The following STPG2 variants were observed in gnomAD, a reference collection of about 807,000 sequenced individuals.
STPG2 encodes the protein sperm-tail PG-rich repeat-containing protein 2.
A neutral mutation model predicts 54.2 loss-of-function variants in STPG2; 56 were observed. That is an observed-to-expected ratio of 1.03 (90% confidence interval 0.83 to 1.29). The LOEUF (loss-of-function observed/expected upper bound fraction) is 1.29, where lower values mean the gene tolerates loss of function less well. STPG2 is among the 50% of genes most tolerant of loss of function. The pLI, the probability that STPG2 is intolerant of heterozygous loss-of-function variation, is 0.00. For missense variants in STPG2, 596 were observed against 544.9 expected, an observed-to-expected ratio of 1.09 and a Z score of -0.93; for synonymous variants, 200 against 181.8, an observed-to-expected ratio of 1.10 and a Z score of -0.81.
At chr4:98,092,856 A>T (rs1738731691) in intron 5 of STPG2, among the ~76,000 whole-genome samples, 1 of 152,128 alleles carries the variant, frequency 6.6e-6, no homozygotes, top group South Asian at 2.1e-4. Flanking sequence ...AAATAGTTCC[A>T]AGGTATTTTC....
intron 9 of STPG2, among the ~76,000 whole-genome samples, chr4:97,836,576 A>T (rs995563690): frequency 6.6e-6 from 1 of 151,796 alleles, no homozygotes; most frequent in Non-Finnish European, 1.5e-5. Flanking sequence ...TTGCCAAGGT[A>T]TGCCTTTATT....
chr4:97,981,847 AT>A (rs1734689723), intron 5 of STPG2, among the ~76,000 whole-genome samples: 1 of 147,878 alleles, frequency 6.8e-6, no homozygotes, highest in African/African-American at 2.5e-5. Flanking sequence ...ATATATATAT[AT>A]ATATATAACT....
At chr4:97,521,697 A>T (rs1365463526) in intron 4 of STPG2, among the ~76,000 whole-genome samples, 1 of 152,062 alleles carries the variant, frequency 6.6e-6, no homozygotes, top group Non-Finnish European at 1.5e-5. Context: ...GTTCATATAC[A>T]ACTTAAAATA....
chr4:97,541,088 C>A (rs1052734432), intron 4 of STPG2, among the ~76,000 whole-genome samples: 1 of 152,160 alleles, frequency 6.6e-6, no homozygotes, highest in Non-Finnish European at 1.5e-5. Context: ...CTCAACACTC[C>A]TATTCAAAAT....
chr4:98,092,447 G>A (rs1350756979), intron 5 of STPG2, among the ~76,000 whole-genome samples: 1 of 151,826 alleles, frequency 6.6e-6, no homozygotes, highest in Admixed American at 6.6e-5. Flanking sequence ...GTAATAAATT[G>A]CCAAGTGCCT....
At chr4:97,580,916 G>A (rs371098248) in intron 10 of STPG2, among the ~76,000 whole-genome samples, 8 of 151,990 alleles carry the variant, frequency 5.3e-5, no homozygotes, top group African/African-American at 1.2e-4. Flanking sequence ...AAAAATATGC[G>A]TTCCTTTGCA....
chr4:97,790,092 T>C (rs573438303), intron 9 of STPG2, among the ~76,000 whole-genome samples: 1 of 152,296 alleles, frequency 6.6e-6, no homozygotes, highest in African/African-American at 2.4e-5. Context: ...TATGTCTCTA[T>C]TTGCTTTTAG....
chr4:97,666,247 AG>A (rs1478045111), intron 10 of STPG2, among the ~76,000 whole-genome samples: 3 of 152,164 alleles, frequency 2.0e-5, no homozygotes, highest in Non-Finnish European at 1.5e-5. Context: ...TGAACCATGC[AG>A]CCCCTGCTAC....
intron 5 of STPG2, among the ~76,000 whole-genome samples, chr4:98,103,309 C>T (rs1432533066): frequency 6.6e-6 from 1 of 151,968 alleles, no homozygotes; most frequent in African/African-American, 2.4e-5. Flanking sequence ...TATGCATTTG[C>T]TTTTTTATTT....
chr4:97,922,808 T>C (rs1226597643), intron 8 of STPG2, among the ~76,000 whole-genome samples: 1 of 152,194 alleles, frequency 6.6e-6, no homozygotes, highest in Non-Finnish European at 1.5e-5. Flanking sequence ...AATTGCAATT[T>C]TCCAAATCCA....
intron 10 of STPG2, among the ~76,000 whole-genome samples, chr4:97,703,702 GTATAT>G (rs1184786774): frequency 4.3e-5 from 6 of 138,108 alleles, no homozygotes; most frequent in Non-Finnish European, 7.6e-5. Context: ...AGTATATATA[GTATAT>G]TATAGTATAT....
intron 4 of STPG2, among the ~76,000 whole-genome samples, chr4:97,473,765 G>C (rs1730003712): frequency 6.6e-6 from 1 of 152,114 alleles, no homozygotes. Flanking sequence ...CTACTGACAA[G>C]TGATGTCTCC....
At chr4:97,604,152 G>A (rs980388287) in intron 10 of STPG2, among the ~76,000 whole-genome samples, 2 of 151,478 alleles carry the variant, frequency 1.3e-5, no homozygotes, top group Non-Finnish European at 3.0e-5. Flanking sequence ...TTACTCTAGG[G>A]CAGCCCTGTA....
chr4:98,092,127 G>C (rs563002455), intron 5 of STPG2, among the ~76,000 whole-genome samples: 1 of 152,130 alleles, frequency 6.6e-6, no homozygotes, highest in Non-Finnish European at 1.5e-5. Flanking sequence ...TATTGTTTAA[G>C]CAATAACTAA....
At chr4:97,586,968 CA>C (rs1733017509) in intron 10 of STPG2, among the ~76,000 whole-genome samples, 1 of 151,766 alleles carries the variant, frequency 6.6e-6, no homozygotes, top group African/African-American at 2.4e-5. Context: ...ATGATTAAAA[CA>C]AAAATTATAA....
At chr4:97,884,733 G>A (rs1181918131) in intron 8 of STPG2, among the ~76,000 whole-genome samples, 1 of 151,978 alleles carries the variant, frequency 6.6e-6, no homozygotes, top group Non-Finnish European at 1.5e-5. Context: ...AAAAAAAGAG[G>A]GGTCTAGAAA....
At chr4:97,850,574 T>G (rs1729126810) in intron 8 of STPG2, among the ~76,000 whole-genome samples, 1 of 151,948 alleles carries the variant, frequency 6.6e-6, no homozygotes, top group Admixed American at 6.6e-5. Context: ...TGCACGTCAT[T>G]ATTTATATTT....
intron 10 of STPG2, among the ~76,000 whole-genome samples, chr4:97,687,741 C>A (rs1344054555): frequency 4.6e-5 from 7 of 151,780 alleles, no homozygotes; most frequent in Non-Finnish European, 7.4e-5. Flanking sequence ...ATTAGCTGGA[C>A]AAAATTAGAA....
intron 4 of STPG2, among the ~76,000 whole-genome samples, chr4:97,484,719 G>C (rs762842524): frequency 2.6e-5 from 4 of 151,758 alleles, no homozygotes; most frequent in Non-Finnish European, 5.9e-5. Flanking sequence ...TATGAGGCCA[G>C]CATCACCTTA....
Sources: allele counts gnomAD v4.1 joint callset (sites outside exome capture counted in the v4.1 genomes callset), GRCh38; gene constraint gnomAD v4.1.1; transcripts MANE v1.5; gene names NCBI Gene and HGNC (gene_info 2026-07-23, HGNC 2026-07-21).